Variants in POLR2D observed in about 807,000 individuals in gnomAD.
POLR2D encodes the protein DNA-directed RNA polymerase II subunit RPB4.
Under a neutral mutation model 17.6 loss-of-function variants are expected in POLR2D, and 10 were observed. The ratio of observed to expected loss-of-function variants is 0.57; its 90% CI spans 0.35 to 0.96. The LOEUF (loss-of-function observed/expected upper bound fraction) is 0.96. POLR2D is among the 40% of genes least tolerant of loss of function. The probability of loss-of-function intolerance (pLI) is 0.02; values close to 1 mark genes in which losing one functional copy is unlikely to be tolerated. For missense variants in POLR2D, 126 were observed against 176.4 expected (o/e 0.71, Z 1.62); for synonymous variants, 52 against 60.2 (o/e 0.86, Z 0.63).
At chr2:127,849,114 G>A (rs969443711) in intron 3 of POLR2D, among the ~76,000 whole-genome samples, 2 of 151,628 alleles carry the variant, frequency 1.3e-5, no homozygotes, top group Non-Finnish European at 2.9e-5. Flanking sequence ...GCGCAATCTC[G>A]GCTCACTGCA....
intron 3 of POLR2D, among the ~76,000 whole-genome samples, chr2:127,849,940 GT>G (rs1204503278): frequency 6.6e-6 from 1 of 152,160 alleles, no homozygotes; most frequent in Non-Finnish European, 1.5e-5. Flanking sequence ...CTAAATTTGT[GT>G]GAGTTACCTT....
Position 127,858,041 on chromosome 2 carries a change from G to T in POLR2D, c.60C>A (p.Leu20=). The stretch of plus-strand genomic sequence containing the variant: ...CCCGAGCCCAACCTTTAGGAAAGAT[G>T]AGCTGTGAGGCGTCCTCCTCTACGT... ...AGDVEEDASQ[L]IFPKEFETAE... The change falls in exon 1 of 4, where the codon CTC becomes CTA. Residue 20 remains leucine, a synonymous_variant. Transcript: ENST00000272645. 1 of 1,575,242 alleles carries T rather than the reference G, an allele frequency of 6.3e-7. No individual in the cohort carries two copies. The highest frequency in any genetic ancestry group is 1.1e-5 in the South Asian group (1 of 87,142).
At chr2:127,848,657 C>T (rs1690193440) in intron 3 of POLR2D, among the ~76,000 whole-genome samples, 1 of 152,180 alleles carries the variant, frequency 6.6e-6, no homozygotes, top group Non-Finnish European at 1.5e-5. Context: ...GCTGGGACTG[C>T]AGGTGCCCGC....
rs1690118261 is a variant in POLR2D at position 127,844,479 on chromosome 2, G to A, written c.*3628C>T. The A allele has an allele frequency of 6.6e-6, 1 of 152,072 alleles. No homozygotes were observed. Among genetic ancestry groups the A allele is most frequent in the Non-Finnish European group, 1.5e-5 (1 of 68,008 alleles). 9.4% of individuals were successfully genotyped at this position (152,072 alleles called of 1,614,324 possible). The stretch of plus-strand genomic sequence containing the variant: ...TTCCTGATTTTACACAGTACAATGA[G>A]CCTAACAATGTTTCACAAATTGTGC... On this transcript the variant is annotated 3_prime_UTR_variant, in exon 4 of 4. Transcript: ENST00000272645.
rs1690144354 is a variant in POLR2D, at chr2:127,845,825, A to C, written c.*2282T>G. 1 of 152,236 alleles carries C rather than the reference A, an allele frequency of 6.6e-6. No homozygotes were observed. Among genetic ancestry groups the C allele is most frequent in the South Asian group, 2.1e-4 (1 of 4,828 alleles). 9.4% of individuals were successfully genotyped at this position (152,236 alleles called of 1,614,324 possible). A position where few individuals can be genotyped will look rare whatever the true frequency, so the allele number is the denominator to read the frequency against. On this transcript the variant is annotated 3_prime_UTR_variant, in exon 4 of 4. Transcript: ENST00000272645. ...GAATAGTGAACATTTACTGGAACAT[A>C]CTATATATCAGACACCTCTAGGCTC...
intron 1 of POLR2D, among the ~76,000 whole-genome samples, chr2:127,854,686 G>A (rs1225771455): frequency 1.3e-5 from 2 of 152,154 alleles, no homozygotes; most frequent in Non-Finnish European, 2.9e-5. Context: ...TACAGTTGGA[G>A]CACTATTGAA....
intron 3 of POLR2D, among the ~76,000 whole-genome samples, chr2:127,849,594 T>C (rs1690213703): frequency 6.6e-6 from 1 of 152,252 alleles, no homozygotes; most frequent in South Asian, 2.1e-4. Flanking sequence ...GCAATTTTTT[T>C]CCTCAAAATT....
In POLR2D at chr2:127,852,435, C is replaced by T. The variant is rs993486368; in HGVS notation, c.254+490G>A. Reference sequence around the variant, plus strand: ...TTTCTGTATTTTTTTTGTAGGGACACGAGTTTCACCATGTTGCACATGCTG... The same window carrying T: ...TTTCTGTATTTTTTTTGTAGGGACATGAGTTTCACCATGTTGCACATGCTG... On this transcript the variant is annotated intron_variant, in intron 2 of 3. Coordinates refer to ENST00000272645, the MANE Select transcript of POLR2D (RefSeq NM_004805.4). This position sits in a 1 kb window ranked among gnomAD's most constrained non-coding sequence, Gnocchi z 4.0. Among the ~76,000 whole-genome samples, 2 of 151,910 alleles carry T rather than the reference C, an allele frequency of 1.3e-5. No homozygotes were observed. The highest frequency in any genetic ancestry group is 1.3e-4 in the Admixed American group (2 of 15,260).
In POLR2D at chr2:127,848,085, G is replaced by T; in HGVS notation, c.*22C>A. 1.3e-6 allele frequency: 2 copies of T among 1,531,182 alleles called. No individual in the cohort carries two copies. The highest frequency in any genetic ancestry group is 1.8e-6 in the Non-Finnish European group (2 of 1,104,472). The allele number at this position is 1,531,182 out of a possible 1,614,324, so 94.8% of individuals were successfully genotyped here. On this transcript the variant is annotated 3_prime_UTR_variant, in exon 4 of 4. Coordinates refer to ENST00000272645, the MANE Select transcript of POLR2D (RefSeq NM_004805.4). ...TTATGCCTGGGGATGTGGTTTCTCC[G>T]AGCAGCAGTGATGTTTGGAGATTAA...
rs1388562917 is a variant in POLR2D at position 127,845,395 on chromosome 2, G to C, written c.*2712C>G. On this transcript the variant is annotated 3_prime_UTR_variant, in exon 4 of 4. Transcript: ENST00000272645. Reference sequence around the variant, plus strand: ...TCACTTTTTTTTTTTTTTTTTTTTTGAGACAGTTTCGCTCTTGTTGCCTAG... The same window carrying C: ...TCACTTTTTTTTTTTTTTTTTTTTTCAGACAGTTTCGCTCTTGTTGCCTAG... 2 of 22,976 alleles carry C rather than the reference G, an allele frequency of 8.7e-5. No individual in the cohort carries two copies. The highest frequency in any genetic ancestry group is 1.6e-4 in the Non-Finnish European group (2 of 12,234). The allele number at this position is 22,976 out of a possible 1,614,324, so 1.4% of individuals were successfully genotyped here.
intron 3 of POLR2D, among the ~76,000 whole-genome samples, chr2:127,848,407 GTTT>G: frequency 6.8e-6 from 1 of 147,010 alleles, no homozygotes; most frequent in East Asian, 2.0e-4. Context: ...TGACTTAGAG[GTTT>G]TTTTTTTTCT....
chr2:127,858,148 C>T lies in POLR2D; in HGVS notation c.-48G>A, dbSNP rs1445737155. The T allele has an allele frequency of 8.1e-6, 11 of 1,353,962 alleles. No homozygotes were observed. Among genetic ancestry groups the T allele is most frequent in the African/African-American group, 7.7e-5 (5 of 64,670 alleles). 83.9% of individuals were successfully genotyped at this position (1,353,962 alleles called of 1,614,324 possible). A position where few individuals can be genotyped will look rare whatever the true frequency, so the allele number is the denominator to read the frequency against. On this transcript the variant is annotated 5_prime_UTR_variant, in exon 1 of 4. Coordinates refer to ENST00000272645, the MANE Select transcript of POLR2D (RefSeq NM_004805.4). ...CCACCAGCGCCGCCGGAAGCAGAAG[C>T]GCGGAGCAACGGCCGCGGAAGGGGC...
Position 127,858,127 on chromosome 2 carries a change from C to T in POLR2D, c.-27G>A. On this transcript the variant is annotated 5_prime_UTR_variant, in exon 1 of 4. Transcript: ENST00000272645. ...GCCGCGCCGCGCCGCGCGCCACCACCAGCGCCGCCGGAAGCAGAAGCGCGG... is the reference window on the plus strand; with the variant it reads ...GCCGCGCCGCGCCGCGCGCCACCACTAGCGCCGCCGGAAGCAGAAGCGCGG... The T allele has an allele frequency of 5.6e-6, 8 of 1,433,484 alleles. No individual in the cohort carries two copies. The highest frequency in any genetic ancestry group is 7.3e-6 in the Non-Finnish European group (8 of 1,091,938). 88.8% of individuals were successfully genotyped at this position (1,433,484 alleles called of 1,614,324 possible). A position where few individuals can be genotyped will look rare whatever the true frequency, so the allele number is the denominator to read the frequency against.
At position 127,845,624 on chromosome 2, in the gene POLR2D, CT is replaced by C. The variant is rs1348008782; in HGVS notation, c.*2482del. ...TCCCAACCTCAGGTGATCCGCCTGC[CT>C]CGGCCTCTGAAAGCGCTGGGATTAC... On this transcript the variant is annotated 3_prime_UTR_variant, in exon 4 of 4. Coordinates refer to ENST00000272645, the MANE Select transcript of POLR2D (RefSeq NM_004805.4). 4 of 152,114 alleles carry C rather than the reference CT, an allele frequency of 2.6e-5. No homozygotes were observed. Among genetic ancestry groups the C allele is most frequent in the African/African-American group, 9.7e-5 (4 of 41,414 alleles). 9.4% of individuals were successfully genotyped at this position (152,114 alleles called of 1,614,324 possible). A position where few individuals can be genotyped will look rare whatever the true frequency, so the allele number is the denominator to read the frequency against.
chr2:127,848,523 G>A (rs1223456335), intron 3 of POLR2D, among the ~76,000 whole-genome samples: 1 of 151,586 alleles, frequency 6.6e-6, no homozygotes, highest in African/African-American at 2.4e-5. Context: ...TGATTCTCCT[G>A]TCTCAGCCTA....
At chr2:127,851,707 T>C (rs1172747941) in intron 2 of POLR2D, among the ~76,000 whole-genome samples, 2 of 152,252 alleles carry the variant, frequency 1.3e-5, no homozygotes, top group African/African-American at 2.4e-5. Context: ...AAATATCATA[T>C]GTACCTCATA....
rs1178654641 is a variant in POLR2D at position 127,846,815 on chromosome 2, A to T, written c.*1292T>A. The T allele has an allele frequency of 1.3e-5, 2 of 155,684 alleles. No individual in the cohort carries two copies. The highest frequency in any genetic ancestry group is 2.9e-5 in the Non-Finnish European group (2 of 69,798). The allele number at this position is 155,684 out of a possible 1,614,324, so 9.6% of individuals were successfully genotyped here. A position where few individuals can be genotyped will look rare whatever the true frequency, so the allele number is the denominator to read the frequency against. On this transcript the variant is annotated 3_prime_UTR_variant, in exon 4 of 4. Transcript: ENST00000272645. The stretch of plus-strand genomic sequence containing the variant: ...GTGTTCGGTCCTTGCCTGCTTCATG[A>T]GCTCAATTCCTCACCACTGTGCTGT...
At chr2:127,854,999 G>A (rs1690305508) in intron 1 of POLR2D, among the ~76,000 whole-genome samples, 1 of 91,284 alleles carries the variant, frequency 1.1e-5, no homozygotes, top group South Asian at 3.7e-4. Context: ...ATGACATCAG[G>A]CCAAAAAAAA....
chr2:127,845,406 G>C lies in POLR2D; in HGVS notation c.*2701C>G, dbSNP rs1232032702. The C allele has an allele frequency of 2.8e-5, 3 of 108,986 alleles. No individual in the cohort carries two copies. The highest frequency in any genetic ancestry group is 4.0e-5 in the African/African-American group (1 of 25,188). 6.8% of individuals were successfully genotyped at this position (108,986 alleles called of 1,614,324 possible). On this transcript the variant is annotated 3_prime_UTR_variant, in exon 4 of 4. Coordinates refer to ENST00000272645, the MANE Select transcript of POLR2D (RefSeq NM_004805.4). Reference sequence around the variant, plus strand: ...TTTTTTTTTTTTTTGAGACAGTTTCGCTCTTGTTGCCTAGGCTGGAGTACA... The same window carrying C: ...TTTTTTTTTTTTTTGAGACAGTTTCCCTCTTGTTGCCTAGGCTGGAGTACA...
Sources: allele counts gnomAD v4.1 joint callset (sites outside exome capture counted in the v4.1 genomes callset), GRCh38; gene constraint gnomAD v4.1.1; non-coding constraint Gnocchi (gnomAD v3.1); transcripts MANE v1.5; gene names NCBI Gene and HGNC (gene_info 2026-07-23, HGNC 2026-07-21).